The following ASTN2 variants were observed in gnomAD, a reference collection of about 807,000 sequenced individuals.
ASTN2 encodes the protein astrotactin 2, also known as astrotactin-2.
Under a neutral mutation model 139.8 loss-of-function variants are expected in ASTN2, and 54 were observed. The observed-to-expected ratio is 0.39, with a 90% CI of 0.31 to 0.48. The LOEUF is 0.48. Ranked by LOEUF, ASTN2 falls within the 20% of genes least tolerant of loss-of-function variation. ASTN2 has a pLI of 0.95. For synonymous variants in ASTN2, 756 were observed against 719.5 expected (o/e 1.05, Z -0.81); for missense variants, 1,565 against 1,725.1 (o/e 0.91, Z 1.64).
intron 14 of ASTN2, among the ~76,000 whole-genome samples, chr9:116,730,245 A>C (rs114723822): frequency 0.046 from 7,075 of 152,280 alleles, 571 homozygotes; most frequent in African/African-American, 0.16. Flanking sequence ...GTAGGCACTT[A>C]AAGAGATATT....
intron 13 of ASTN2, among the ~76,000 whole-genome samples, chr9:116,795,866 A>G (rs1283479565): frequency 6.6e-6 from 1 of 152,162 alleles, no homozygotes; most frequent in South Asian, 2.1e-4. Context: ...TTTTAAGGTA[A>G]AACACCACTT....
At chr9:116,480,935 T>C (rs1431724610) in intron 20 of ASTN2, among the ~76,000 whole-genome samples, 1 of 152,186 alleles carries the variant, frequency 6.6e-6, no homozygotes, top group Non-Finnish European at 1.5e-5. Context: ...ATGTCTGTCA[T>C]CACAAATAGT....
intron 1 of ASTN2, among the ~76,000 whole-genome samples, chr9:117,408,956 G>T (rs1324790865): frequency 6.6e-6 from 1 of 152,160 alleles, no homozygotes; most frequent in Non-Finnish European, 1.5e-5. Context: ...AGAAGAATTA[G>T]ATCAGAGGCC....
intron 6 of ASTN2, among the ~76,000 whole-genome samples, chr9:117,026,688 G>A: frequency 7.2e-6 from 1 of 138,962 alleles, no homozygotes; most frequent in African/African-American, 3.3e-5. Context: ...GGCAACCTCA[G>A]ATTCACCTTT....
chr9:116,842,056 G>A (rs1295413411), intron 11 of ASTN2, among the ~76,000 whole-genome samples: 1 of 152,216 alleles, frequency 6.6e-6, no homozygotes, highest in Admixed American at 6.5e-5. Flanking sequence ...TGAACCACAT[G>A]GAGGTGGCTT....
At chr9:117,041,471 T>C (rs947409166) in intron 5 of ASTN2, among the ~76,000 whole-genome samples, 5 of 152,166 alleles carry the variant, frequency 3.3e-5, no homozygotes, top group African/African-American at 1.2e-4. Flanking sequence ...CACCTTTGAG[T>C]TTCTGTCTTC....
At chr9:117,124,811 A>G (rs902732432) in intron 4 of ASTN2, among the ~76,000 whole-genome samples, 326 of 145,112 alleles carry the variant, frequency 2.2e-3, no homozygotes, top group Non-Finnish European at 3.2e-3. Flanking sequence ...CCACCATGAA[A>G]AAAAAAAAAA....
Position 116,800,746 on chromosome 9 carries a change from A to G in ASTN2, c.2396+4886T>C, listed in dbSNP as rs201292221. Reference sequence around the variant, plus strand: ...AACTTTCAGCATGAGAGGAGTTCCAATCACTGTGAATATTGAGCCAGTTAT... The same window carrying G: ...AACTTTCAGCATGAGAGGAGTTCCAGTCACTGTGAATATTGAGCCAGTTAT... On this transcript the variant is annotated intron_variant, in intron 13 of 22. Coordinates refer to ENST00000313400, the MANE Select transcript of ASTN2 (RefSeq NM_001365068.1). Among the ~76,000 whole-genome samples the G allele has an allele frequency of 6.6e-5, 10 of 152,336 alleles. No homozygotes were observed. In the East Asian group the frequency reaches 1.9e-3, roughly 29 times the overall value.
chr9:117,248,693 C>CAGAT (rs1156714010), intron 2 of ASTN2, among the ~76,000 whole-genome samples: 1 of 152,200 alleles, frequency 6.6e-6, no homozygotes, highest in East Asian at 1.9e-4. Context: ...AGTTTCTGCA[C>CAGAT]AGTTTGTGCT....
intron 12 of ASTN2, among the ~76,000 whole-genome samples, chr9:116,812,570 G>A (rs939315302): frequency 6.6e-6 from 1 of 152,152 alleles, no homozygotes; most frequent in East Asian, 1.9e-4. Context: ...CTTGAGAACT[G>A]TAAAATAAAG....
intron 3 of ASTN2, among the ~76,000 whole-genome samples, chr9:117,188,905 C>G (rs980287930): frequency 1.3e-5 from 2 of 152,090 alleles, no homozygotes; most frequent in African/African-American, 4.8e-5. Flanking sequence ...TAACCATGCT[C>G]AGTGGGCAGC....
At chr9:117,314,931 T>C (rs896243806) in intron 1 of ASTN2, among the ~76,000 whole-genome samples, 11 of 139,726 alleles carry the variant, frequency 7.9e-5, no homozygotes, top group African/African-American at 2.8e-4. Flanking sequence ...GCATGATATA[T>C]TAATATGTAA....
intron 1 of ASTN2, among the ~76,000 whole-genome samples, chr9:117,357,351 C>T (rs1829567958): frequency 6.6e-6 from 1 of 151,964 alleles, no homozygotes; most frequent in Non-Finnish European, 1.5e-5. Flanking sequence ...GGTGCCTAGG[C>T]TTGCAAAAGT....
At chr9:116,903,401 C>A (rs1834071091) in intron 10 of ASTN2, among the ~76,000 whole-genome samples, 1 of 152,108 alleles carries the variant, frequency 6.6e-6, no homozygotes, top group Non-Finnish European at 1.5e-5. Context: ...ATATTTGCGA[C>A]CAATTGGATT....
rs111255864 is a variant in ASTN2, at chr9:117,194,034, C to T, written c.1015+20324G>A. ...TACAGAAATAAGATAAGATCTGAGG[C>T]ACAAGGCACAAGAAAGGGCAGGTTG... On this transcript the variant is annotated intron_variant, in intron 3 of 22. Transcript: ENST00000313400. Among the ~76,000 whole-genome samples the T allele has an allele frequency of 2.5e-4, 38 of 152,232 alleles. 2 individuals are homozygous for T. The highest frequency in any genetic ancestry group is 9.1e-4 in the African/African-American group (38 of 41,540).
chr9:116,471,224 T>C (rs1848802333), intron 20 of ASTN2, among the ~76,000 whole-genome samples: 1 of 152,064 alleles, frequency 6.6e-6, no homozygotes, highest in African/African-American at 2.4e-5. Context: ...GGAGGAGAGA[T>C]TTCTGGGGAC....
At chr9:117,388,946 CA>C (rs1830473946) in intron 1 of ASTN2, among the ~76,000 whole-genome samples, 1 of 152,130 alleles carries the variant, frequency 6.6e-6, no homozygotes, top group Admixed American at 6.5e-5. Flanking sequence ...TGCAAAGAAA[CA>C]AGTACAGATA....
intron 1 of ASTN2, among the ~76,000 whole-genome samples, chr9:117,397,465 T>G (rs1830707199): frequency 6.6e-6 from 1 of 152,162 alleles, no homozygotes; most frequent in Non-Finnish European, 1.5e-5. Flanking sequence ...GAAAAATTAC[T>G]TGGCAAGCAT....
chr9:117,040,116 C>T, intron 5 of ASTN2, 151 bp from the exon 6 acceptor site: 3 of 892,248 alleles, frequency 3.4e-6, no homozygotes, highest in Non-Finnish European at 4.8e-6. Flanking sequence ...TTTGTGCCTG[C>T]TATGACACCT....
Sources: gnomAD v4.1 joint callset for allele counts (sites outside exome capture counted in the v4.1 genomes callset) on GRCh38, gnomAD v4.1.1 for gene constraint, MANE v1.5 for transcripts, NCBI Gene and HGNC (gene_info 2026-07-23, HGNC 2026-07-21) for gene names.